Variants in OR9Q1 observed in about 807,000 individuals in gnomAD.
The protein encoded by OR9Q1 is olfactory receptor family 9 subfamily Q member 1.
For missense variants in OR9Q1, 374 were observed against 378.8 expected (o/e 0.99, Z 0.11); for synonymous variants, 153 against 148.6 (o/e 1.03, Z -0.22).
chr11:58,152,150 G>A (rs1046473258), intron 2 of OR9Q1, among the ~76,000 whole-genome samples: 5 of 152,250 alleles, frequency 3.3e-5, no homozygotes, highest in African/African-American at 4.8e-5. Context: ...ATGAGGACCC[G>A]GGGAGGTGCT....
At chr11:58,143,999 G>T (rs1473416640) in intron 2 of OR9Q1, among the ~76,000 whole-genome samples, 5 of 152,000 alleles carry the variant, frequency 3.3e-5, no homozygotes, top group Admixed American at 1.3e-4. Context: ...ATCAAGTCAA[G>T]CCATTACTGC....
At chr11:58,057,142 G>A (rs1403347462) in intron 2 of OR9Q1, among the ~76,000 whole-genome samples, 8 of 151,744 alleles carry the variant, frequency 5.3e-5, no homozygotes, top group East Asian at 1.9e-4. Flanking sequence ...TATAGACAAC[G>A]CCATTACACC....
rs146306325 is a variant in OR9Q1, at chr11:58,164,484, G to A, written c.-14-14947G>A. ...AGTGAAAGAGCAGGGGTCATGAGCA[G>A]ACAGAGAACAATGAACAAGGAGGTA... is the stretch of plus-strand genomic sequence containing the variant. On this transcript the variant is annotated intron_variant, in intron 2 of 2. Coordinates refer to ENST00000335397, the MANE Select transcript of OR9Q1 (RefSeq NM_001005212.4). Among the ~76,000 whole-genome samples, 405 of 152,236 alleles carry A rather than the reference G, an allele frequency of 2.7e-3. 3 individuals carry two copies. Among genetic ancestry groups the A allele is most frequent in the African/African-American group, 9.2e-3 (384 of 41,536 alleles).
At chr11:58,053,627 A>AATATATATATATAT (rs1554965491) in intron 1 of OR9Q1, among the ~76,000 whole-genome samples, 1 of 103,334 alleles carries the variant, frequency 9.7e-6, no homozygotes, top group South Asian at 2.7e-4. Context: ...ATATATATAT[A>AATATATATATATAT]AAATATATAT....
At chr11:58,054,421 A>G (rs984413707) in intron 1 of OR9Q1, among the ~76,000 whole-genome samples, 1 of 152,142 alleles carries the variant, frequency 6.6e-6, no homozygotes, top group Non-Finnish European at 1.5e-5. Flanking sequence ...AATTAGCTAT[A>G]TCACTTTCCC....
At chr11:58,054,755 C>A (rs1460757668) in intron 1 of OR9Q1, among the ~76,000 whole-genome samples, 11 of 152,148 alleles carry the variant, frequency 7.2e-5, no homozygotes, top group Non-Finnish European at 1.6e-4. Flanking sequence ...AAAACCCCAT[C>A]TCTACTAAAA....
chr11:58,108,746 C>A (rs918938895), intron 2 of OR9Q1: 2 of 220,046 alleles, frequency 9.1e-6, no homozygotes, highest in Admixed American at 5.3e-5. Context: ...TGGAATTTAC[C>A]AACGAGTTTT....
intron 2 of OR9Q1, among the ~76,000 whole-genome samples, chr11:58,090,838 C>T (rs1853677236): frequency 1.3e-5 from 2 of 152,154 alleles, no homozygotes; most frequent in South Asian, 4.1e-4. Flanking sequence ...TTGGTCTATT[C>T]AGGGATTCAA....
At chr11:58,134,650 C>G (rs1431360076) in intron 2 of OR9Q1, among the ~76,000 whole-genome samples, 1 of 152,160 alleles carries the variant, frequency 6.6e-6, no homozygotes, top group East Asian at 1.9e-4. Context: ...AATTTTATTA[C>G]AGGATTGCAA....
At chr11:58,044,101 A>G (rs1457326432) in intron 1 of OR9Q1, 3 of 152,234 alleles carry the variant, frequency 2.0e-5, no homozygotes, top group African/African-American at 4.8e-5. Flanking sequence ...GATTTGAACA[A>G]ACTCATGGTT....
intron 2 of OR9Q1, among the ~76,000 whole-genome samples, chr11:58,128,446 A>C (rs1330169859): frequency 6.6e-6 from 1 of 152,138 alleles, no homozygotes; most frequent in Non-Finnish European, 1.5e-5. Flanking sequence ...TAAAGGTGGT[A>C]TTTTGCATTA....
At chr11:58,059,418 G>A (rs985740909) in intron 2 of OR9Q1, among the ~76,000 whole-genome samples, 6 of 151,904 alleles carry the variant, frequency 3.9e-5, no homozygotes, top group African/African-American at 1.2e-4. Context: ...ATTCAGGGCC[G>A]GGCACAGTGG....
chr11:58,141,722 T>C (rs1489833577), intron 2 of OR9Q1, among the ~76,000 whole-genome samples: 2 of 152,144 alleles, frequency 1.3e-5, no homozygotes, highest in African/African-American at 4.8e-5. Flanking sequence ...TCAAGTAACT[T>C]GTACAAGGTC....
At chr11:58,118,830 A>G (rs1413827220) in intron 2 of OR9Q1, 36 of 1,613,964 alleles carry the variant, frequency 2.2e-5, no homozygotes, top group Non-Finnish European at 2.6e-5. Flanking sequence ...CCAAAATCAC[A>G]AAATTGCCAA....
chr11:58,128,543 A>G (rs1325708958), intron 2 of OR9Q1, among the ~76,000 whole-genome samples: 1 of 152,198 alleles, frequency 6.6e-6, no homozygotes, highest in Non-Finnish European at 1.5e-5. Flanking sequence ...CACAGCTTAT[A>G]TCAAAACAAA....
chr11:58,179,690 G>T lies in OR9Q1; in HGVS notation c.246G>T (p.Leu82=). 6.2e-7 allele frequency: 1 copy of T among 1,614,116 alleles called. No homozygotes were observed. The highest frequency in any genetic ancestry group is 8.5e-7 in the Non-Finnish European group (1 of 1,179,976). The part of the protein sequence containing the change: ...CYSSITVPQM[L]AVLLEHGAAL... Reference sequence around the variant, plus strand: ...CATCTATCACTGTCCCCCAGATGCTGGCAGTGCTGCTGGAGCATGGGGCAG... The same window carrying T: ...CATCTATCACTGTCCCCCAGATGCTTGCAGTGCTGCTGGAGCATGGGGCAG... Residue 82 remains leucine, a synonymous_variant, in exon 3 of 3, where the codon CTG becomes CTT. Coordinates refer to ENST00000335397, the MANE Select transcript of OR9Q1 (RefSeq NM_001005212.4).
intron 2 of OR9Q1, among the ~76,000 whole-genome samples, chr11:58,068,614 A>G (rs1053817967): frequency 6.6e-6 from 1 of 152,198 alleles, no homozygotes; most frequent in Admixed American, 6.5e-5. Context: ...CTCACATAAA[A>G]TGGGAGTGAT....
intron 2 of OR9Q1, among the ~76,000 whole-genome samples, chr11:58,102,929 C>G (rs2120090304): frequency 6.6e-6 from 1 of 151,946 alleles, no homozygotes; most frequent in Non-Finnish European, 1.5e-5. Context: ...TCCCATAAGC[C>G]CTGGGAGTTT....
chr11:58,166,309 C>T (rs1300048547), intron 2 of OR9Q1, among the ~76,000 whole-genome samples: 5 of 152,088 alleles, frequency 3.3e-5, no homozygotes, highest in Non-Finnish European at 7.4e-5. Context: ...CTTTCTTTTA[C>T]CTCTGTTTCC....
Sources: gnomAD v4.1 joint callset for allele counts (sites outside exome capture counted in the v4.1 genomes callset) on GRCh38, gnomAD v4.1.1 for gene constraint, MANE v1.5 for transcripts, NCBI Gene and HGNC (gene_info 2026-07-23, HGNC 2026-07-21) for gene names.